MAST3: variants seen among roughly 807,000 people sequenced by gnomAD.
The protein encoded by MAST3 is microtubule associated serine/threonine kinase 3, also known as microtubule-associated serine/threonine-protein kinase 3.
Under a neutral mutation model 127.0 loss-of-function variants are expected in MAST3, and 43 were observed. That is an observed-to-expected ratio of 0.34 (90% CI 0.27 to 0.44). The LOEUF is 0.44. MAST3 is among the 20% of genes least tolerant of loss of function. The probability of loss-of-function intolerance (pLI) is 1.00; values close to 1 mark genes in which losing one functional copy is unlikely to be tolerated. For missense variants in MAST3, 1,390 were observed against 1,919.1 expected (o/e 0.72, Z 5.15); for synonymous variants, 785 against 809.2 (o/e 0.97, Z 0.51).
chr19:18,113,960 G>A (rs528334193), intron 3 of MAST3, among the ~76,000 whole-genome samples: 36 of 152,294 alleles, frequency 2.4e-4, no homozygotes, highest in African/African-American at 7.9e-4. Context: ...CAGCCACATG[G>A]CTGATCCTCC....
intron 19 of MAST3, among the ~76,000 whole-genome samples, chr19:18,138,804 A>C (rs1036008198): frequency 6.6e-6 from 1 of 151,914 alleles, no homozygotes. Flanking sequence ...CGGCCCCACA[A>C]CTTTTTAGGG....
chr19:18,104,251 A>C (rs1377745482), intron 1 of MAST3, among the ~76,000 whole-genome samples: 1 of 147,558 alleles, frequency 6.8e-6, no homozygotes, highest in Non-Finnish European at 1.5e-5. Flanking sequence ...GAAGAAGGAG[A>C]CCCTAATGGC....
At chr19:18,119,250 C>T (rs900296556) in intron 3 of MAST3, among the ~76,000 whole-genome samples, 1 of 152,062 alleles carries the variant, frequency 6.6e-6, no homozygotes, top group African/African-American at 2.4e-5. Flanking sequence ...GGGAGGGCAA[C>T]GAAGTGTTTT....
At chr19:18,132,261 C>T (rs1014570621) in intron 15 of MAST3, among the ~76,000 whole-genome samples, 4 of 152,286 alleles carry the variant, frequency 2.6e-5, no homozygotes, top group East Asian at 3.9e-4. Flanking sequence ...GGAGAGCAGA[C>T]ACTTAATAGG....
At chr19:18,102,195 G>A (rs1354029480) in intron 1 of MAST3, among the ~76,000 whole-genome samples, 3 of 138,930 alleles carry the variant, frequency 2.2e-5, no homozygotes, top group South Asian at 4.6e-4. Context: ...TTTTTGAAAC[G>A]GAGTTTCACT....
rs748161539 is a variant in MAST3, at chr19:18,145,775, G to A, written c.3072G>A (p.Ala1024=). The A allele has an allele frequency of 2.1e-5, 34 of 1,584,328 alleles. No homozygotes were observed. The highest frequency in any genetic ancestry group is 1.7e-4 in the Middle Eastern group (1 of 5,980). The change falls in exon 25 of 28, where the codon GCG becomes GCA. Residue 1024 remains alanine, a synonymous_variant. Coordinates refer to ENST00000687212, the MANE Select transcript of MAST3 (RefSeq NM_001393504.1). This position sits in a 1 kb window ranked among gnomAD's most constrained non-coding sequence, Gnocchi z 5.9. ...AGGACGGAAGCCCCGCCCAGGAGGC[G>A]GGCCTGCGGGCTGGGGACCTCATCA... The part of the protein sequence containing the change: ...SVEDGSPAQE[A]GLRAGDLITH...
intron 18 of MAST3, among the ~76,000 whole-genome samples, chr19:18,137,012 G>C (rs2041959354): frequency 6.6e-6 from 1 of 151,806 alleles, no homozygotes; most frequent in African/African-American, 2.4e-5. Flanking sequence ...AGAAGAGATG[G>C]GGTTTTGCCA....
intron 14 of MAST3, 55 bp from the exon 15 acceptor site, chr19:18,131,854 C>T (rs1010573155): frequency 5.0e-5 from 76 of 1,505,830 alleles, no homozygotes; most frequent in Non-Finnish European, 6.2e-5. Flanking sequence ...ACCTAAGGGG[C>T]GGGCGGGGGG....
At chr19:18,121,297 C>T (rs1192030952) in intron 3 of MAST3, among the ~76,000 whole-genome samples, 5 of 152,150 alleles carry the variant, frequency 3.3e-5, no homozygotes, top group African/African-American at 4.8e-5. Context: ...GCTGGGACTA[C>T]AGGCGTGCAC....
At position 18,130,505 on chromosome 19, in the gene MAST3, T is replaced by C; in HGVS notation, c.1235T>C (p.Leu412Pro). The change falls in exon 14 of 28, where the codon CTG (leucine) becomes CCG (proline). Residue 412 changes from leucine to proline, a missense_variant. Leu to Pro is a moderately conservative substitution (Grantham distance 98). Coordinates refer to ENST00000687212, the MANE Select transcript of MAST3 (RefSeq NM_001393504.1). ...ISNGAYGAVY[L>P]VRHRDTRQRF... is the part of the protein sequence containing the mutation. ...CCCTCTGTCCCCAGGGCCGTCTACCTGGTGCGGCACCGTGACACACGGCAG... is the reference window on the plus strand; with the variant it reads ...CCCTCTGTCCCCAGGGCCGTCTACCCGGTGCGGCACCGTGACACACGGCAG... 1 of 1,602,382 alleles carries C rather than the reference T, an allele frequency of 6.2e-7. No individual in the cohort carries two copies. Among genetic ancestry groups the C allele is most frequent in the Non-Finnish European group, 8.5e-7 (1 of 1,174,238 alleles).
In MAST3 at chr19:18,147,641, C is replaced by A. The variant is rs781674629; in HGVS notation, c.3508+17C>A. The A allele has an allele frequency of 6.7e-7, 1 of 1,501,312 alleles. No homozygotes were observed. Among genetic ancestry groups the A allele is most frequent in the South Asian group, 1.3e-5 (1 of 77,524 alleles). 93.0% of individuals were successfully genotyped at this position (1,501,312 alleles called of 1,614,324 possible). On this transcript the variant is annotated intron_variant, in intron 27 of 27. Transcript: ENST00000687212. ...TCCCAGCAGGTGGGTGCACCCCGAC[C>A]CCCCACCACCCCGGCTACCCTGGGA...
chr19:18,132,015 T>C lies in MAST3; in HGVS notation c.1539T>C (p.Tyr513=), dbSNP rs776111199. 2 of 1,614,114 alleles carry C rather than the reference T, an allele frequency of 1.2e-6. No homozygotes were observed. The highest frequency in any genetic ancestry group is 1.7e-6 in the Non-Finnish European group (2 of 1,180,016). Residue 513 remains tyrosine (Y), a synonymous_variant, in exon 15 of 28, where the codon TAT becomes TAC. Transcript: ENST00000687212. ...TVLALEYLHN[Y]GIVHRDLKPD... ...TGGCGCTGGAGTACCTGCATAACTA[T>C]GGCATCGTGCACCGTGACCTCAAAC...
chr19:18,124,493 T>C (rs1264701215), intron 10 of MAST3, 127 bp downstream of exon 10: 40 of 1,335,560 alleles, frequency 3.0e-5, no homozygotes, highest in African/African-American at 7.3e-5. Flanking sequence ...CAGGGTGCTA[T>C]TGGGCTAGCG....
Position 18,122,010 on chromosome 19 carries a change from C to T in MAST3, c.320+88C>T, listed in dbSNP as rs888743744. 9.7e-6 allele frequency: 15 copies of T among 1,550,932 alleles called. No homozygotes were observed. In the African/African-American group the frequency reaches 1.6e-4, roughly 17 times the overall value. On this transcript the variant is annotated intron_variant, in intron 5 of 27. Coordinates refer to ENST00000687212, the MANE Select transcript of MAST3 (RefSeq NM_001393504.1). ...CGTGCTCGGTGGCTAGACCTGGCTC[C>T]TCATTCATTTCATTCACCTTTTCCC...
In MAST3 at chr19:18,149,457, G is replaced by A; in HGVS notation, c.3775G>A (p.Gly1259Ser). 1 of 1,536,386 alleles carries A rather than the reference G, an allele frequency of 6.5e-7. No homozygotes were observed. Among genetic ancestry groups the A allele is most frequent in the Non-Finnish European group, 8.8e-7 (1 of 1,142,526 alleles). The change falls in exon 28 of 28, where the codon GGC (glycine) becomes AGC (serine). Residue 1259 changes from glycine (G) to serine (S), a missense_variant. By Grantham distance (56) the Gly-to-Ser change is moderately conservative. Around this residue, in one of 5 missense-constraint regions of MAST3, gnomAD observed 816 missense variants for 934.1 expected, o/e 0.87. Coordinates refer to ENST00000687212, the MANE Select transcript of MAST3 (RefSeq NM_001393504.1). The surrounding 1 kb of genome is among the most constrained non-coding windows in gnomAD (Gnocchi z 5.9). ...TGCCCGATCCCCGCGGCTGCGCCGG[G>A]GCCAGTCAGCTGACAAGCTGGGCAC... ...APARSPRLRRGQSADKLGTGE... is the reference protein window; with the variant it reads ...APARSPRLRRSQSADKLGTGE...
chr19:18,098,759 C>G (rs879237729), intron 1 of MAST3: 2 of 456,694 alleles, frequency 4.4e-6, no homozygotes, highest in African/African-American at 4.0e-5. Context: ...ACTTACCCAA[C>G]GAACATTTAT....
intron 14 of MAST3, 29 bp from the exon 15 acceptor site, chr19:18,131,880 C>T: frequency 6.5e-7 from 1 of 1,548,812 alleles, no homozygotes; most frequent in Non-Finnish European, 8.7e-7. Flanking sequence ...GTGCCCCGGG[C>T]CTCATGACTA....
intron 15 of MAST3, among the ~76,000 whole-genome samples, chr19:18,133,028 G>C (rs746474023): frequency 1.3e-5 from 2 of 152,052 alleles, no homozygotes; most frequent in African/African-American, 4.8e-5. Flanking sequence ...TCTTGAACCC[G>C]GCGGAGGTTG....
chr19:18,112,009 G>T lies in MAST3; in HGVS notation c.161+1268G>T, dbSNP rs1056990964. ...CTTCTCAGTCAGCTTAGGGAATTCAGTGATAAAACTAATGGATAAACAAGA... is the reference window on the plus strand; with the variant it reads ...CTTCTCAGTCAGCTTAGGGAATTCATTGATAAAACTAATGGATAAACAAGA... On this transcript the variant is annotated intron_variant, in intron 3 of 27. Transcript: ENST00000687212. The surrounding 1 kb of genome is among the most constrained non-coding windows in gnomAD (Gnocchi z 4.1). Among the ~76,000 whole-genome samples the T allele has an allele frequency of 6.6e-6, 1 of 152,230 alleles. No individual in the cohort carries two copies. The highest frequency in any genetic ancestry group is 6.5e-5 in the Admixed American group (1 of 15,286).
Sources: allele counts gnomAD v4.1 joint callset (sites outside exome capture counted in the v4.1 genomes callset), GRCh38; gene constraint gnomAD v4.1.1; regional missense constraint gnomAD v4.1.1; non-coding constraint Gnocchi (gnomAD v3.1); transcripts MANE v1.5; gene names NCBI Gene and HGNC (gene_info 2026-07-23, HGNC 2026-07-21).